ARHGAP6: variants seen among roughly 807,000 people sequenced by gnomAD.
ARHGAP6 encodes rho GTPase-activating protein 6.
In ARHGAP6, 16 loss-of-function variants were observed where a neutral mutation model predicts 55.7. The observed-to-expected ratio is 0.29, with a 90% CI of 0.19 to 0.44. The LOEUF is 0.44. Among genes scored for constraint, ARHGAP6 ranks in the 20% least tolerant of loss-of-function variants. The pLI, the probability that ARHGAP6 is intolerant of heterozygous loss-of-function variation, is 1.00. For synonymous variants in ARHGAP6, 382 were observed against 360.9 expected, an observed-to-expected ratio of 1.06 and a Z score of -0.66; for missense variants, 698 against 808.9, an observed-to-expected ratio of 0.86 and a Z score of 1.66.
At chrX:11,511,627 C>T (rs2050785301) in intron 1 of ARHGAP6, among the ~76,000 whole-genome samples, 1 of 111,921 alleles carries the variant, frequency 8.9e-6, no homozygotes, top group African/African-American at 3.2e-5. Flanking sequence ...GATCCTGCAA[C>T]TAAGTCATAG....
At chrX:11,338,515 C>A (rs2147647736) in intron 1 of ARHGAP6, among the ~76,000 whole-genome samples, 1 of 111,606 alleles carries the variant, frequency 9.0e-6, no homozygotes, top group Non-Finnish European at 1.9e-5. Flanking sequence ...TTTAGATAGA[C>A]AAGTTGGGCA....
At chrX:11,216,100 T>C (rs759725200) in intron 2 of ARHGAP6, among the ~76,000 whole-genome samples, 1 of 109,853 alleles carries the variant, frequency 9.1e-6, no homozygotes, top group East Asian at 2.8e-4. Flanking sequence ...AGTGATTCCA[T>C]GTATAGCGCT....
At chrX:11,422,326 C>T (rs1348878704) in intron 1 of ARHGAP6, among the ~76,000 whole-genome samples, 1 of 110,004 alleles carries the variant, frequency 9.1e-6, no homozygotes, top group Non-Finnish European at 1.9e-5. Context: ...AGGCTTGGGG[C>T]AGAAAAGAAC....
intron 1 of ARHGAP6, among the ~76,000 whole-genome samples, chrX:11,458,861 G>T (rs12559507): frequency 9.0e-6 from 1 of 110,981 alleles, no homozygotes; most frequent in Non-Finnish European, 1.9e-5. Flanking sequence ...AATTATTTAG[G>T]ATGTTAATGG....
At chrX:11,378,897 T>A (rs2049231549) in intron 1 of ARHGAP6, among the ~76,000 whole-genome samples, 1 of 112,915 alleles carries the variant, frequency 8.9e-6, no homozygotes. Flanking sequence ...AACTTTCTCG[T>A]GATCCAACAT....
intron 1 of ARHGAP6, among the ~76,000 whole-genome samples, chrX:11,341,273 G>T (rs1008922063): frequency 4.5e-5 from 5 of 111,374 alleles, no homozygotes; most frequent in Admixed American, 9.5e-5. Context: ...AGATTCACAG[G>T]TTTAGAGTTT....
intron 1 of ARHGAP6, among the ~76,000 whole-genome samples, chrX:11,518,001 T>G (rs1327854345): frequency 9.0e-6 from 1 of 111,642 alleles, no homozygotes; most frequent in Non-Finnish European, 1.9e-5. Flanking sequence ...TTTAAAAAAT[T>G]AAAAATAAAA....
At chrX:11,258,662 C>T (rs766473460) in intron 1 of ARHGAP6, among the ~76,000 whole-genome samples, 3 of 111,197 alleles carry the variant, frequency 2.7e-5, no homozygotes, top group South Asian at 3.8e-4. Flanking sequence ...AAGTAAAGTG[C>T]GATGCTTCAA....
rs1321006923 is a variant in ARHGAP6, at chrX:11,664,685, GCTCCCGCAGCCGC to G, written c.131_143del (p.Gly44AlafsTer164). 1.1e-5 allele frequency: 13 copies of G among 1,170,491 alleles called. No homozygotes were observed. Among genetic ancestry groups the G allele is most frequent in the Admixed American group, 2.6e-5 (1 of 38,814 alleles). ...CACTGCCCTCCGCGCCCGCCTCGTCGCTCCCGCAGCCGCCGATCAGGGCCGGGTCCAGGCTGCG... is the reference window on the plus strand; with the variant it reads ...CACTGCCCTCCGCGCCCGCCTCGTCGCGATCAGGGCCGGGTCCAGGCTGCG... On this transcript the variant is annotated frameshift_variant, in exon 1 of 13. Transcript: ENST00000337414. LOFTEE classifies it high-confidence loss of function.
At chrX:11,275,429 C>G (rs2047746919) in intron 1 of ARHGAP6, among the ~76,000 whole-genome samples, 1 of 111,632 alleles carries the variant, frequency 9.0e-6, no homozygotes, top group South Asian at 3.8e-4. Flanking sequence ...AAAACTGAAG[C>G]AAAATCATTT....
At chrX:11,401,393 T>C (rs1335241603) in intron 1 of ARHGAP6, among the ~76,000 whole-genome samples, 1 of 111,787 alleles carries the variant, frequency 8.9e-6, no homozygotes, top group African/African-American at 3.3e-5. Context: ...AAATACATAA[T>C]ATCAAGACCA....
intron 1 of ARHGAP6, among the ~76,000 whole-genome samples, chrX:11,425,829 T>A (rs2049873138): frequency 2.7e-5 from 3 of 111,786 alleles, no homozygotes; most frequent in African/African-American, 9.8e-5. Context: ...CGTTCTCACC[T>A]TTCCTCCCCC....
At chrX:11,342,182 C>A (rs920873571) in intron 1 of ARHGAP6, among the ~76,000 whole-genome samples, 1 of 111,707 alleles carries the variant, frequency 9.0e-6, no homozygotes, top group African/African-American at 3.3e-5. Context: ...CAGAAGTATG[C>A]GAATAGGTAC....
chrX:11,493,677 A>C (rs1467416963), intron 1 of ARHGAP6, among the ~76,000 whole-genome samples: 1 of 111,222 alleles, frequency 9.0e-6, no homozygotes, highest in Non-Finnish European at 1.9e-5. Flanking sequence ...GTCCAGATGT[A>C]AGAGCAAAAA....
intron 1 of ARHGAP6, among the ~76,000 whole-genome samples, chrX:11,613,251 T>A (rs1182564752): frequency 8.9e-6 from 1 of 112,349 alleles, no homozygotes; most frequent in East Asian, 2.8e-4. Context: ...TGAAGAACTG[T>A]TAGCGGCTCT....
At chrX:11,506,722 C>T (rs147087253) in intron 1 of ARHGAP6, among the ~76,000 whole-genome samples, 5,158 of 111,227 alleles carry the variant, frequency 0.046, 314 homozygotes, top group African/African-American at 0.16. Flanking sequence ...GTCTTTATAG[C>T]AGCATGATTT....
chrX:11,345,797 T>G (rs1267384162), intron 1 of ARHGAP6, among the ~76,000 whole-genome samples: 2 of 111,597 alleles, frequency 1.8e-5, no homozygotes, highest in African/African-American at 6.5e-5. Flanking sequence ...TTTTTTTTCA[T>G]GTGCTCTAAC....
In ARHGAP6 at chrX:11,179,410, C is replaced by A. The variant is rs1398086454; in HGVS notation, c.1372G>T (p.Glu458Ter). 8.3e-7 allele frequency: 1 copy of A among 1,210,129 alleles called. No individual in the cohort carries two copies. Among genetic ancestry groups the A allele is most frequent in the Non-Finnish European group, 1.1e-6 (1 of 894,996 alleles). ...FDRGIDVSLE[E>*]EHSVHDVAAL... Reference sequence around the variant, plus strand: ...GCCACATCATGAACACTGTGCTCCTCCTCCAGAGAGACATCAATCCCACGG... The same window carrying A: ...GCCACATCATGAACACTGTGCTCCTACTCCAGAGAGACATCAATCCCACGG... The change falls in exon 7 of 13, where the codon GAG becomes TAG. Residue 458 changes from glutamate to a stop codon, truncating the protein, a stop_gained. Transcript: ENST00000337414. LOFTEE classifies it high-confidence loss of function.
intron 1 of ARHGAP6, among the ~76,000 whole-genome samples, chrX:11,501,625 T>C (rs1284732749): frequency 8.9e-6 from 1 of 112,136 alleles, no homozygotes; most frequent in Non-Finnish European, 1.9e-5. Flanking sequence ...TGGCCTGCTA[T>C]TGACCAGAAG....
Sources: gnomAD v4.1 joint callset for allele counts (sites outside exome capture counted in the v4.1 genomes callset) on GRCh38, gnomAD v4.1.1 for gene constraint, MANE v1.5 for transcripts, NCBI Gene and HGNC (gene_info 2026-07-23, HGNC 2026-07-21) for gene names.